The following NTRK3 variants were observed in gnomAD, a reference collection of about 807,000 sequenced individuals.
NTRK3 encodes the protein neurotrophic receptor tyrosine kinase 3.
Under a neutral mutation model 91.7 loss-of-function variants are expected in NTRK3, and 24 were observed. The ratio of observed to expected loss-of-function variants is 0.26; its 90% CI spans 0.19 to 0.37. NTRK3 has a LOEUF of 0.37. NTRK3 is among the 10% of genes least tolerant of loss of function. NTRK3 has a pLI of 1.00. For missense variants in NTRK3, 880 were observed against 1,068.9 expected, an observed-to-expected ratio of 0.82 and a Z score of 2.46; for synonymous variants, 483 against 404.0, an observed-to-expected ratio of 1.20 and a Z score of -2.34.
intron 3 of NTRK3, among the ~76,000 whole-genome samples, chr15:88,220,635 C>A (rs1438478400): frequency 6.6e-6 from 1 of 152,172 alleles, no homozygotes; most frequent in Non-Finnish European, 1.5e-5. Flanking sequence ...AAGAGGAAGG[C>A]CCCTTTCCAG....
At chr15:88,105,588 T>C (rs1277523203) in intron 13 of NTRK3, among the ~76,000 whole-genome samples, 2 of 152,230 alleles carry the variant, frequency 1.3e-5, no homozygotes, top group African/African-American at 4.8e-5. Flanking sequence ...GGTCTGGATT[T>C]ACCAGCAGGG....
chr15:87,938,485 T>C (rs1264341838), intron 15 of NTRK3, among the ~76,000 whole-genome samples: 2 of 152,182 alleles, frequency 1.3e-5, no homozygotes, highest in African/African-American at 2.4e-5. Flanking sequence ...ACTAGGCAGA[T>C]CCACTGAGTG....
At chr15:87,903,797 T>C (rs973768277) in intron 17 of NTRK3, among the ~76,000 whole-genome samples, 2 of 152,110 alleles carry the variant, frequency 1.3e-5, no homozygotes, top group Non-Finnish European at 2.9e-5. Flanking sequence ...GGGATAGCAA[T>C]GAAAAGGGGG....
Position 88,243,774 on chromosome 15 carries a change from G to C in NTRK3, c.248+12132C>G, listed in dbSNP as rs1353308980. 1.3e-5 allele frequency among the ~76,000 whole-genome samples: 2 copies of C among 152,128 alleles called. No homozygotes were observed. Among genetic ancestry groups the C allele is most frequent in the African/African-American group, 4.8e-5 (2 of 41,426 alleles). ...TGGTGCCCCAGGAAAACACCAGAAA[G>C]GCTCTGGTTTTTAGGTGCCAGGATT... On this transcript the variant is annotated intron_variant, in intron 3 of 18. Coordinates refer to ENST00000394480, the Ensembl canonical transcript of NTRK3. The surrounding 1 kb of genome is among the most constrained non-coding windows in gnomAD (Gnocchi z 4.8).
At chr15:88,002,171 T>G (rs866710244) in intron 14 of NTRK3, among the ~76,000 whole-genome samples, 12 of 98,494 alleles carry the variant, frequency 1.2e-4, no homozygotes, top group Middle Eastern at 5.3e-3. Context: ...AGTGGTTGTT[T>G]TTTTTTTTTT....
intron 6 of NTRK3, 79 bp downstream of exon 6, chr15:88,147,256 G>A: frequency 7.5e-7 from 1 of 1,332,564 alleles, no homozygotes; most frequent in Non-Finnish European, 1.1e-6. Context: ...CCTTCAGGTG[G>A]TTCCACTGCT....
chr15:88,215,789 AAAT>A (rs2049713944), intron 3 of NTRK3, among the ~76,000 whole-genome samples: 1 of 152,220 alleles, frequency 6.6e-6, no homozygotes, highest in Non-Finnish European at 1.5e-5. Flanking sequence ...TATACTTTTA[AAAT>A]ATGGAACCAC....
At chr15:88,138,614 G>C (rs951711429) in intron 6 of NTRK3, among the ~76,000 whole-genome samples, 10 of 152,066 alleles carry the variant, frequency 6.6e-5, no homozygotes, top group Non-Finnish European at 1.2e-4. Context: ...CCTGTTGACT[G>C]GTTTGTTCCT....
chr15:88,161,931 CT>C (rs752710523), intron 5 of NTRK3, among the ~76,000 whole-genome samples: 51 of 152,158 alleles, frequency 3.4e-4, no homozygotes, highest in Non-Finnish European at 6.0e-4. Context: ...CTAATCTGCC[CT>C]CCAGCTGCTG....
intron 17 of NTRK3, chr15:87,916,691 T>C (rs1424164388): frequency 5.5e-5 from 36 of 654,246 alleles, no homozygotes; most frequent in Admixed American, 5.3e-4. Flanking sequence ...TAAATATTTT[T>C]ATTCCACTGG....
intron 3 of NTRK3, among the ~76,000 whole-genome samples, chr15:88,221,571 C>T (rs2050239176): frequency 6.6e-6 from 1 of 152,082 alleles, no homozygotes; most frequent in African/African-American, 2.4e-5. Flanking sequence ...CAGGTGGATC[C>T]CTTGAGCCCA....
intron 10 of NTRK3, among the ~76,000 whole-genome samples, chr15:88,129,516 C>A (rs1359038464): frequency 6.6e-6 from 1 of 152,170 alleles, no homozygotes; most frequent in Non-Finnish European, 1.5e-5. Context: ...CCCACTCTAC[C>A]AGAAATGCTC....
intron 5 of NTRK3, among the ~76,000 whole-genome samples, chr15:88,182,318 A>T (rs2046548725): frequency 6.6e-6 from 1 of 151,986 alleles, no homozygotes; most frequent in South Asian, 2.1e-4. Context: ...AAGAAAAAAC[A>T]ACTCCTCCAC....
Position 88,054,400 on chromosome 15 carries a change from G to A in NTRK3, c.1397-21355C>T, listed in dbSNP as rs2045505398. Among the ~76,000 whole-genome samples, 4 of 152,174 alleles carry A rather than the reference G, an allele frequency of 2.6e-5. No homozygotes were observed. In the South Asian group the frequency reaches 8.3e-4, roughly 32 times the overall value. On this transcript the variant is annotated intron_variant, in intron 13 of 18. Coordinates refer to ENST00000394480, the Ensembl canonical transcript of NTRK3. Reference sequence around the variant, plus strand: ...CAGAACTCCTCATTCCTGGCATTCAGCCCCACACATGAGCAATCCACATTG... The same window carrying A: ...CAGAACTCCTCATTCCTGGCATTCAACCCCACACATGAGCAATCCACATTG...
At chr15:88,016,636 G>C (rs1205476845) in intron 14 of NTRK3, among the ~76,000 whole-genome samples, 1 of 152,228 alleles carries the variant, frequency 6.6e-6, no homozygotes, top group Non-Finnish European at 1.5e-5. Context: ...AACACTGTAA[G>C]ATGATGGATA....
At chr15:88,020,526 G>C (rs994156086) in intron 14 of NTRK3, among the ~76,000 whole-genome samples, 5 of 152,160 alleles carry the variant, frequency 3.3e-5, no homozygotes, top group African/African-American at 1.2e-4. Flanking sequence ...TCCCCCAACA[G>C]CATATTTATA....
At chr15:88,117,010 A>G (rs2052168633) in intron 13 of NTRK3, among the ~76,000 whole-genome samples, 2 of 152,236 alleles carry the variant, frequency 1.3e-5, no homozygotes, top group African/African-American at 4.8e-5. Context: ...GCGGACGTCT[A>G]TTGGATTGAG....
chr15:88,147,280 C>T (rs1397547896), intron 6 of NTRK3, 55 bp downstream of exon 6: 1 of 1,508,444 alleles, frequency 6.6e-7, no homozygotes, highest in Non-Finnish European at 9.2e-7. Context: ...CACTCCTCCC[C>T]ATCCACCCAT....
intron 3 of NTRK3, among the ~76,000 whole-genome samples, chr15:88,216,090 C>G (rs1423718565): frequency 6.6e-6 from 1 of 152,182 alleles, no homozygotes; most frequent in Non-Finnish European, 1.5e-5. Flanking sequence ...CAGTGTCTGG[C>G]CCAAGGTCAT....
Sources: gnomAD v4.1 joint callset for allele counts (sites outside exome capture counted in the v4.1 genomes callset) on GRCh38, gnomAD v4.1.1 for gene constraint, Gnocchi (gnomAD v3.1) non-coding constraint, MANE v1.5 for transcripts, NCBI Gene and HGNC (gene_info 2026-07-23, HGNC 2026-07-21) for gene names.